The following MCPH1 variants were observed in gnomAD, a reference collection of about 807,000 sequenced individuals.
The protein encoded by MCPH1 is microcephalin.
Under a neutral mutation model 84.5 loss-of-function variants are expected in MCPH1, and 104 were observed. The observed-to-expected ratio is 1.23, with a 90% CI of 1.05 to 1.45. The LOEUF is 1.45. Ranked by LOEUF, MCPH1 falls within the 40% of genes most tolerant of loss-of-function variation. MCPH1 has a pLI of 0.00. For missense variants in MCPH1, 1,498 were observed against 1,005.7 expected, an observed-to-expected ratio of 1.49 and a Z score of -6.62; for synonymous variants, 514 against 366.8, an observed-to-expected ratio of 1.40 and a Z score of -4.58.
rs144014850 is a variant in MCPH1 at position 6,604,327 on chromosome 8, T to G, written c.2215-17127T>G. On this transcript the variant is annotated intron_variant, in intron 12 of 13. Coordinates refer to ENST00000344683, the MANE Select transcript of MCPH1 (RefSeq NM_024596.5). ...CCACATTCCAGCCAACAGAAGAACT[T>G]TTGACCGAGAAGTAGAAACTAGGTG... 3.3e-5 allele frequency among the ~76,000 whole-genome samples: 5 copies of G among 152,322 alleles called. No individual in the cohort carries two copies. The East Asian group carries it at 9.6e-4, about 29-fold the overall frequency.
At chr8:6,552,002 T>C (rs529593672) in intron 12 of MCPH1, among the ~76,000 whole-genome samples, 47 of 152,336 alleles carry the variant, frequency 3.1e-4, no homozygotes, top group Admixed American at 2.2e-3. Flanking sequence ...AATTACCCGG[T>C]AGATGACCAA....
intron 3 of MCPH1, among the ~76,000 whole-genome samples, chr8:6,424,539 C>T (rs1800772530): frequency 6.6e-6 from 1 of 152,240 alleles, no homozygotes; most frequent in Non-Finnish European, 1.5e-5. Context: ...TCTCACCCTG[C>T]AGCCATTCCT....
chr8:6,430,862 T>C (rs887103896), intron 3 of MCPH1, among the ~76,000 whole-genome samples: 2 of 152,192 alleles, frequency 1.3e-5, no homozygotes, highest in African/African-American at 4.8e-5. Context: ...GGGCAGGAGA[T>C]CATTTAGAAA....
chr8:6,411,857 C>T (rs560895929), intron 2 of MCPH1, among the ~76,000 whole-genome samples: 1 of 152,150 alleles, frequency 6.6e-6, no homozygotes, highest in Non-Finnish European at 1.5e-5. Flanking sequence ...TAGAACTTAA[C>T]CCCCGTGGAT....
At chr8:6,513,232 C>G (rs180803957) in intron 12 of MCPH1, among the ~76,000 whole-genome samples, 1 of 152,142 alleles carries the variant, frequency 6.6e-6, no homozygotes, top group African/African-American at 2.4e-5. Flanking sequence ...CCCAGAGAAA[C>G]TTAAAGAAGT....
At chr8:6,536,332 G>A (rs541796749) in intron 12 of MCPH1, among the ~76,000 whole-genome samples, 1 of 152,238 alleles carries the variant, frequency 6.6e-6, no homozygotes, top group African/African-American at 2.4e-5. Context: ...TGGATGCAGG[G>A]CTGAGCACTG....
At chr8:6,505,269 T>TAGA (rs1176364778) in intron 12 of MCPH1, among the ~76,000 whole-genome samples, 19 of 31,142 alleles carry the variant, frequency 6.1e-4, no homozygotes, top group East Asian at 3.7e-3. Flanking sequence ...GTTTTATATA[T>TAGA]ATGTATACAT....
At chr8:6,625,838 T>TTAAC in intron 13 of MCPH1, 1 of 985,432 alleles carries the variant, frequency 1.0e-6, no homozygotes, top group South Asian at 4.7e-5. Context: ...TTTCTGTATC[T>TTAAC]TAACAGTCTT....
chr8:6,489,107 T>C (rs912108826), intron 11 of MCPH1, among the ~76,000 whole-genome samples: 2 of 152,164 alleles, frequency 1.3e-5, no homozygotes, highest in South Asian at 2.1e-4. Flanking sequence ...AAAAAATTGA[T>C]GTAGGCATAT....
chr8:6,478,292 A>AT (rs1808740421), intron 10 of MCPH1, among the ~76,000 whole-genome samples: 1 of 152,216 alleles, frequency 6.6e-6, no homozygotes, highest in Admixed American at 6.5e-5. Flanking sequence ...CCTGGGGCTT[A>AT]GAAATAAAAG....
At chr8:6,504,854 T>G (rs78342398) in intron 12 of MCPH1, among the ~76,000 whole-genome samples, 13,094 of 152,118 alleles carry the variant, frequency 0.086, 1,030 homozygotes, top group African/African-American at 0.2. Flanking sequence ...TTTGATACTG[T>G]GTGTGATTTC....
At chr8:6,479,938 C>T (rs1379318741) in intron 10 of MCPH1, among the ~76,000 whole-genome samples, 1 of 151,882 alleles carries the variant, frequency 6.6e-6, no homozygotes, top group Non-Finnish European at 1.5e-5. Context: ...CTTTTTTCCC[C>T]TCTTAGTAGA....
intron 2 of MCPH1, among the ~76,000 whole-genome samples, chr8:6,413,797 C>T (rs1274727418): frequency 2.0e-5 from 3 of 151,456 alleles, no homozygotes; most frequent in African/African-American, 7.3e-5. Context: ...CTGTGTTACC[C>T]AGGCTGGAGT....
At chr8:6,504,180 T>C (rs1177228112) in intron 12 of MCPH1, among the ~76,000 whole-genome samples, 14 of 151,260 alleles carry the variant, frequency 9.3e-5, no homozygotes, top group South Asian at 2.1e-4. Context: ...TAGCCGGGCG[T>C]GGTGGCGGAC....
intron 12 of MCPH1, among the ~76,000 whole-genome samples, chr8:6,547,915 C>T (rs1822905320): frequency 2.7e-5 from 4 of 150,068 alleles, no homozygotes; most frequent in East Asian, 2.0e-4. Context: ...CCAAAACTCA[C>T]TGTGGTTACT....
chr8:6,410,072 C>T (rs953031421), intron 2 of MCPH1, among the ~76,000 whole-genome samples: 8 of 151,882 alleles, frequency 5.3e-5, no homozygotes, highest in African/African-American at 1.9e-4. Context: ...TGGGTTCAAG[C>T]GATTGTCCTG....
At chr8:6,590,919 G>T (rs1250578782) in intron 12 of MCPH1, among the ~76,000 whole-genome samples, 4 of 152,198 alleles carry the variant, frequency 2.6e-5, no homozygotes, top group African/African-American at 9.7e-5. Flanking sequence ...TTGTTTTCCT[G>T]AGATGGAATT....
chr8:6,552,857 C>T (rs749039922), intron 12 of MCPH1, among the ~76,000 whole-genome samples: 2 of 151,524 alleles, frequency 1.3e-5, no homozygotes, highest in Non-Finnish European at 2.9e-5. Context: ...AGAAGCCAGT[C>T]CGAAAAGGCT....
chr8:6,494,698 A>G (rs1721459454), intron 11 of MCPH1, among the ~76,000 whole-genome samples: 2 of 152,176 alleles, frequency 1.3e-5, no homozygotes, highest in African/African-American at 4.8e-5. Context: ...GAATAGGTAA[A>G]TCCATAGAAT....
Sources: gnomAD v4.1 joint callset for allele counts (sites outside exome capture counted in the v4.1 genomes callset) on GRCh38, gnomAD v4.1.1 for gene constraint, MANE v1.5 for transcripts, NCBI Gene and HGNC (gene_info 2026-07-23, HGNC 2026-07-21) for gene names.